Variants in SEMA5B observed in about 807,000 individuals in gnomAD.
SEMA5B encodes semaphorin-5B.
A neutral mutation model predicts 135.0 loss-of-function variants in SEMA5B; 66 were observed. The ratio of observed to expected loss-of-function variants is 0.49; its 90% CI spans 0.40 to 0.60. The LOEUF is 0.60. SEMA5B is among the 20% of genes least tolerant of loss of function. SEMA5B has a pLI of 0.00. For synonymous variants in SEMA5B, 690 were observed against 639.5 expected, an observed-to-expected ratio of 1.08 and a Z score of -1.19; for missense variants, 1,501 against 1,566.3, an observed-to-expected ratio of 0.96 and a Z score of 0.70.
chr3:122,929,094 T>C lies in SEMA5B; in HGVS notation c.475-36A>G, dbSNP rs746608706. The C allele has an allele frequency of 9.4e-6, 15 of 1,596,408 alleles. No individual in the cohort carries two copies. In the African/African-American group the frequency reaches 1.3e-4, roughly 14 times the overall value. On this transcript the variant is annotated intron_variant, in intron 5 of 22. Coordinates refer to ENST00000357599, the MANE Select transcript of SEMA5B (RefSeq NM_001031702.4). ...AACATAGGAGCACACAGACATCACA[T>C]GGCTGTGTCATTTACTGCCACTCAC...
rs528234187 is a variant in SEMA5B, at chr3:122,970,129, AGGTGGGCAGCCAAGTGAGGCCAGCT to A, written c.-38-8853_-38-8829del. ...GGCTGCAAATATGGGTGCCCACAGC[AGGTGGGCAGCCAAGTGAGGCCAGCT>A]GGTGTCACACAAAACGGAATGGCAG... On this transcript the variant is annotated intron_variant, in intron 1 of 22. Transcript: ENST00000357599. Among the ~76,000 whole-genome samples, 175 of 152,346 alleles carry A rather than the reference AGGTGGGCAGCCAAGTGAGGCCAGCT, an allele frequency of 1.1e-3. 1 individual carries two copies. The highest frequency in any genetic ancestry group is 4.0e-3 in the African/African-American group (166 of 41,590).
intron 5 of SEMA5B, among the ~76,000 whole-genome samples, chr3:122,938,187 A>G (rs532396279): frequency 1.2e-4 from 18 of 152,338 alleles, no homozygotes; most frequent in Middle Eastern, 6.8e-3. Context: ...TTAGAACTCA[A>G]ATGCCTTGTA....
intron 1 of SEMA5B, among the ~76,000 whole-genome samples, chr3:122,974,931 C>T (rs1941262499): frequency 6.6e-6 from 1 of 152,194 alleles, no homozygotes; most frequent in Admixed American, 6.5e-5. Context: ...CCCCCACCCC[C>T]AGCTCTCCTT....
chr3:123,021,582 T>A (rs1301005700), intron 1 of SEMA5B, among the ~76,000 whole-genome samples: 1 of 152,122 alleles, frequency 6.6e-6, no homozygotes, highest in South Asian at 2.1e-4. Flanking sequence ...TTCCGGACAA[T>A]GGCTAGGGCA....
At chr3:122,943,404 C>A (rs773921357) in intron 4 of SEMA5B, 32 bp downstream of exon 4, 1 of 1,489,386 alleles carries the variant, frequency 6.7e-7, no homozygotes, top group Non-Finnish European at 9.2e-7. Context: ...AGCCCCTGCA[C>A]TTCCCACCCC....
intron 2 of SEMA5B, among the ~76,000 whole-genome samples, chr3:122,955,981 A>T (rs1265827166): frequency 6.6e-6 from 1 of 152,224 alleles, no homozygotes; most frequent in Non-Finnish European, 1.5e-5. Context: ...CAAGGAGCTT[A>T]CAGTCTAAAA....
chr3:122,910,110 A>T lies in SEMA5B; in HGVS notation c.*33T>A. ...TCTCCATCTGCTCTGTGCCTTATGA[A>T]GGCAAGAAGCCCAAGTCCCCAGGAC... is the stretch of plus-strand genomic sequence containing the variant. On this transcript the variant is annotated 3_prime_UTR_variant, in exon 23 of 23. Coordinates refer to ENST00000357599, the MANE Select transcript of SEMA5B (RefSeq NM_001031702.4). 1.2e-6 allele frequency: 2 copies of T among 1,607,026 alleles called. No individual in the cohort carries two copies. Among genetic ancestry groups the T allele is most frequent in the Non-Finnish European group, 1.7e-6 (2 of 1,176,722 alleles).
intron 5 of SEMA5B, among the ~76,000 whole-genome samples, chr3:122,938,089 A>G (rs1411634562): frequency 6.6e-6 from 1 of 152,240 alleles, no homozygotes; most frequent in African/African-American, 2.4e-5. Context: ...CCCAGATCCC[A>G]GGAATATGCT....
intron 1 of SEMA5B, among the ~76,000 whole-genome samples, chr3:123,003,443 A>G (rs1942231819): frequency 1.3e-5 from 2 of 152,302 alleles, no homozygotes; most frequent in South Asian, 4.1e-4. Flanking sequence ...AGAGATAAAA[A>G]AAAAAATCAT....
intron 12 of SEMA5B, among the ~76,000 whole-genome samples, chr3:122,919,637 T>C (rs1043860242): frequency 2.0e-5 from 3 of 152,234 alleles, no homozygotes; most frequent in African/African-American, 7.2e-5. Context: ...GTGCAAATTC[T>C]AATATATTGT....
intron 4 of SEMA5B, among the ~76,000 whole-genome samples, chr3:122,941,896 C>T (rs1400568063): frequency 2.0e-5 from 3 of 152,138 alleles, no homozygotes; most frequent in Non-Finnish European, 4.4e-5. Context: ...GTGTGTAAAT[C>T]GACAGTCATC....
At position 122,911,908 on chromosome 3, in the gene SEMA5B, AGGGGTACCTACCGGGAATCTCGCTGTAG is replaced by A; in HGVS notation, c.3030_3046+11del. 6.3e-7 allele frequency: 1 copy of A among 1,589,670 alleles called. No homozygotes were observed. ...GAAGGGTTGCTGCGCAGGTGCTGGC[AGGGGTACCTACCGGGAATCTCGCTGTAG>A]GGGCAGGGGCGGCTCTGGCTGCTGT... On this transcript the variant is annotated splice_donor_variant and splice_donor_5th_base_variant and coding_sequence_variant and intron_variant, in exon 20 of 23. Transcript: ENST00000357599. LOFTEE classifies it high-confidence loss of function.
intron 2 of SEMA5B, among the ~76,000 whole-genome samples, chr3:122,960,313 G>A (rs1002303178): frequency 7.2e-5 from 11 of 152,102 alleles, no homozygotes; most frequent in South Asian, 6.2e-4. Flanking sequence ...CTTACAGGAC[G>A]GTGTGAATGA....
intron 1 of SEMA5B, among the ~76,000 whole-genome samples, chr3:122,970,059 T>G (rs2107641143): frequency 6.6e-6 from 1 of 152,302 alleles, no homozygotes; most frequent in South Asian, 2.1e-4. Flanking sequence ...GAACTGCTAC[T>G]TCTCTAGGGC....
chr3:122,946,928 C>A (rs1035468813), intron 3 of SEMA5B, among the ~76,000 whole-genome samples: 2 of 152,132 alleles, frequency 1.3e-5, no homozygotes, highest in Non-Finnish European at 2.9e-5. Flanking sequence ...AACCCAGGCA[C>A]ACACAGAAGA....
At chr3:122,943,790 C>T (rs1294135915) in intron 3 of SEMA5B, among the ~76,000 whole-genome samples, 1 of 152,174 alleles carries the variant, frequency 6.6e-6, no homozygotes, top group East Asian at 1.9e-4. Context: ...GATACTTATA[C>T]TCGCCCTTGA....
At chr3:123,010,272 G>C (rs138253470) in intron 1 of SEMA5B, among the ~76,000 whole-genome samples, 92 of 152,288 alleles carry the variant, frequency 6.0e-4, no homozygotes, top group African/African-American at 2.1e-3. Flanking sequence ...GAAGACAAGG[G>C]TTTAAAATTG....
At chr3:122,913,145 C>G in intron 17 of SEMA5B, 54 bp downstream of exon 17, 2 of 1,458,856 alleles carry the variant, frequency 1.4e-6, no homozygotes, top group Non-Finnish European at 1.8e-6. Flanking sequence ...CGCCCCCGCC[C>G]TCACCGCTCC....
intron 1 of SEMA5B, among the ~76,000 whole-genome samples, chr3:122,981,581 G>A (rs936902231): frequency 5.9e-5 from 9 of 152,132 alleles, no homozygotes; most frequent in East Asian, 1.9e-4. Context: ...TCTTCTCAAC[G>A]AACTCCTGAA....
Sources: gnomAD v4.1 joint callset for allele counts (sites outside exome capture counted in the v4.1 genomes callset) on GRCh38, gnomAD v4.1.1 for gene constraint, MANE v1.5 for transcripts, NCBI Gene and HGNC (gene_info 2026-07-23, HGNC 2026-07-21) for gene names.